The following IKBKB variants were observed in gnomAD, a reference collection of about 807,000 sequenced individuals.
IKBKB encodes inhibitor of nuclear factor kappa B kinase subunit beta.
Under a neutral mutation model 113.6 loss-of-function variants are expected in IKBKB, and 42 were observed. That is an observed-to-expected ratio of 0.37 (90% CI 0.29 to 0.48). The LOEUF (loss-of-function observed/expected upper bound fraction) is 0.48, where lower values mean the gene tolerates loss of function less well. Among genes scored for constraint, IKBKB ranks in the 20% least tolerant of loss-of-function variants. The pLI, the probability that IKBKB is intolerant of heterozygous loss-of-function variation, is 0.99. For missense variants in IKBKB, 673 were observed against 939.7 expected (o/e 0.72, Z 3.71); for synonymous variants, 296 against 361.3 (o/e 0.82, Z 2.05).
chr8:42,320,541 G>T (rs1206668708), intron 15 of IKBKB, 194 bp from the exon 16 acceptor site: 2 of 525,802 alleles, frequency 3.8e-6, no homozygotes, highest in Non-Finnish European at 6.7e-6. Flanking sequence ...TTGCCAAGGG[G>T]TCACACAGCT....
rs888748008 is a variant in IKBKB, at chr8:42,322,225, C to T, written c.1838+72C>T. ...AGGTATGAGGTCACCTTCCTCCCTCCTCTCTGATTCGCTGGACCTCATGAA... is the reference window on the plus strand; with the variant it reads ...AGGTATGAGGTCACCTTCCTCCCTCTTCTCTGATTCGCTGGACCTCATGAA... On this transcript the variant is annotated intron_variant, in intron 18 of 21. Transcript: ENST00000520810. The T allele has an allele frequency of 5.2e-6, 8 of 1,553,172 alleles. No homozygotes were observed. In the African/African-American group the frequency reaches 8.2e-5, roughly 16 times the overall value.
At chr8:42,277,050 T>G (rs1275148619) in intron 2 of IKBKB, among the ~76,000 whole-genome samples, 1 of 151,230 alleles carries the variant, frequency 6.6e-6, no homozygotes, top group Non-Finnish European at 1.5e-5. Flanking sequence ...TTTTGTATTT[T>G]TAGTAGAGAT....
chr8:42,293,876 C>T (rs532416035), intron 5 of IKBKB, among the ~76,000 whole-genome samples: 2 of 152,370 alleles, frequency 1.3e-5, no homozygotes, highest in East Asian at 1.9e-4. Context: ...AATTTTTCCG[C>T]TCCCACGTAG....
chr8:42,297,682 G>T (rs1814174739), intron 5 of IKBKB, among the ~76,000 whole-genome samples: 1 of 152,166 alleles, frequency 6.6e-6, no homozygotes, highest in Non-Finnish European at 1.5e-5. Context: ...ATCACCTGAG[G>T]TCAAAAGTTT....
chr8:42,322,515 C>T (rs751471757), intron 19 of IKBKB, 21 bp downstream of exon 19: 19 of 1,612,626 alleles, frequency 1.2e-5, no homozygotes, highest in Middle Eastern at 1.7e-4. Flanking sequence ...GCTGTGGTCC[C>T]GGGCCCTTGG....
chr8:42,296,948 T>C (rs1187310280), intron 5 of IKBKB, among the ~76,000 whole-genome samples: 1 of 152,242 alleles, frequency 6.6e-6, no homozygotes, highest in Admixed American at 6.5e-5. Flanking sequence ...CAAGTGTTAG[T>C]TCCTTGCTCA....
Position 42,316,811 on chromosome 8 carries a change from G to A in IKBKB, c.1032G>A (p.Thr344=), listed in dbSNP as rs775626140. ...TGAAGGCCAGAATCCAACAGGACAC[G>A]GGCATCCCAGAGGAGGACCAGGAGC... The part of the protein sequence containing the change: ...QSLKARIQQD[T]GIPEEDQELL... The change falls in exon 11 of 22, where the codon ACG becomes ACA. Residue 344 remains threonine, a synonymous_variant. Coordinates refer to ENST00000520810, the MANE Select transcript of IKBKB (RefSeq NM_001556.3). The surrounding 1 kb of genome is among the most constrained non-coding windows in gnomAD (Gnocchi z 4.5). 8 of 1,614,110 alleles carry A rather than the reference G, an allele frequency of 5.0e-6. No homozygotes were observed. The highest frequency in any genetic ancestry group is 4.5e-5 in the East Asian group (2 of 44,886).
intron 2 of IKBKB, among the ~76,000 whole-genome samples, chr8:42,280,023 A>C (rs1810027696): frequency 6.6e-6 from 1 of 151,724 alleles, no homozygotes; most frequent in Admixed American, 6.6e-5. Context: ...TAATTTTTTT[A>C]TTTTTGTAGA....
chr8:42,330,379 T>C, intron 21 of IKBKB: 1 of 898,640 alleles, frequency 1.1e-6, no homozygotes, highest in African/African-American at 1.8e-5. Context: ...GCAGCCTGGG[T>C]CTTGCTATGT....
chr8:42,271,938 A>G lies in IKBKB; in HGVS notation c.-18-145A>G, dbSNP rs189751745. ...CACAAAGTTTGGACCAACCAAACAC[A>G]TTGGTTTCTTTACAAAATAAAAAAC... On this transcript the variant is annotated intron_variant, in intron 1 of 21. Transcript: ENST00000520810. The G allele has an allele frequency of 2.6e-5, 23 of 897,436 alleles. 1 individual carries two copies. Among genetic ancestry groups the G allele is most frequent in the African/African-American group, 1.9e-4 (11 of 59,230 alleles). 55.6% of individuals were successfully genotyped at this position (897,436 alleles called of 1,614,324 possible).
chr8:42,320,310 T>TCGG, intron 15 of IKBKB: 1 of 177,340 alleles, frequency 5.6e-6, no homozygotes, highest in South Asian at 1.1e-4. Context: ...CCTCCCCATC[T>TCGG]TGGGACTCAT....
At chr8:42,311,193 C>T (rs902245096) in intron 8 of IKBKB, among the ~76,000 whole-genome samples, 1 of 152,214 alleles carries the variant, frequency 6.6e-6, no homozygotes. Context: ...GCTATTGTCA[C>T]CTTCTGGAAG....
intron 2 of IKBKB, among the ~76,000 whole-genome samples, chr8:42,282,845 C>T (rs1008082540): frequency 1.7e-4 from 26 of 152,260 alleles, no homozygotes; most frequent in African/African-American, 5.5e-4. Flanking sequence ...GGGAATATTT[C>T]GGAATACTTC....
intron 2 of IKBKB, among the ~76,000 whole-genome samples, chr8:42,288,167 A>G (rs577054720): frequency 6.6e-6 from 1 of 152,204 alleles, no homozygotes; most frequent in East Asian, 1.9e-4. Context: ...CGGGCAGATC[A>G]CTTGAGGTCA....
chr8:42,298,370 T>G (rs1271771740), intron 5 of IKBKB: 1 of 985,442 alleles, frequency 1.0e-6, no homozygotes, highest in East Asian at 1.1e-4. Flanking sequence ...TTGCTGTCCC[T>G]GCTTCCTTCT....
rs113456366 is a variant in IKBKB, at chr8:42,316,428, A to T, written c.930+89A>T. On this transcript the variant is annotated intron_variant, in intron 10 of 21. Transcript: ENST00000520810. This position sits in a 1 kb window ranked among gnomAD's most constrained non-coding sequence, Gnocchi z 4.5. ...TTAGGACAGAGCAGGGGATGGGGCC[A>T]GCTGACCTAGTGAGGAAATTTAGGC... 5 of 1,499,326 alleles carry T rather than the reference A, an allele frequency of 3.3e-6. 1 individual carries two copies. In the African/African-American group the frequency reaches 6.9e-5, roughly 21 times the overall value. 92.9% of individuals were successfully genotyped at this position (1,499,326 alleles called of 1,614,324 possible).
chr8:42,331,073 A>G lies in IKBKB; in HGVS notation c.*94A>G. 2.5e-6 allele frequency: 4 copies of G among 1,583,390 alleles called. No individual in the cohort carries two copies. The highest frequency in any genetic ancestry group is 2.2e-5 in the East Asian group (1 of 44,598). On this transcript the variant is annotated 3_prime_UTR_variant, in exon 22 of 22. Coordinates refer to ENST00000520810, the MANE Select transcript of IKBKB (RefSeq NM_001556.3). ...CCCCTGACATGGGGCTGCCTGGAGC[A>G]GGCCGCGTGACGTGGGGCTGCCTGG... is the stretch of plus-strand genomic sequence containing the variant.
chr8:42,330,133 C>T (rs1328075116), intron 21 of IKBKB: 3 of 985,268 alleles, frequency 3.0e-6, no homozygotes, highest in Non-Finnish European at 3.6e-6. Flanking sequence ...AAATCCATAA[C>T]TGAGATTAGC....
chr8:42,290,781 C>T (rs758114400), intron 4 of IKBKB, among the ~76,000 whole-genome samples: 13 of 152,124 alleles, frequency 8.5e-5, no homozygotes, highest in African/African-American at 2.2e-4. Context: ...CCAATCCATC[C>T]GATCCACCTG....
Sources: allele counts gnomAD v4.1 joint callset (sites outside exome capture counted in the v4.1 genomes callset), GRCh38; gene constraint gnomAD v4.1.1; non-coding constraint Gnocchi (gnomAD v3.1); transcripts MANE v1.5; gene names NCBI Gene and HGNC (gene_info 2026-07-23, HGNC 2026-07-21).